The following TNFRSF11A variants were observed in gnomAD, a reference collection of about 807,000 sequenced individuals.
TNFRSF11A encodes the protein tumor necrosis factor receptor superfamily member 11A.
Under a neutral mutation model 55.7 loss-of-function variants are expected in TNFRSF11A, and 32 were observed. That is an observed-to-expected ratio of 0.57 (90% CI 0.43 to 0.77). TNFRSF11A has a LOEUF of 0.77. Among genes scored for constraint, TNFRSF11A ranks in the 30% least tolerant of loss-of-function variants. TNFRSF11A has a pLI of 0.00. For synonymous variants in TNFRSF11A, 311 were observed against 331.0 expected (o/e 0.94, Z 0.65); for missense variants, 753 against 809.8 (o/e 0.93, Z 0.85).
At chr18:62,370,072 G>T (rs1250858005) in intron 9 of TNFRSF11A, among the ~76,000 whole-genome samples, 2 of 152,068 alleles carry the variant, frequency 1.3e-5, no homozygotes, top group Admixed American at 1.3e-4. Context: ...TAACCACAAC[G>T]TATCATATAT....
At chr18:62,384,289 C>T (rs1911502840) in intron 9 of TNFRSF11A, among the ~76,000 whole-genome samples, 1 of 150,186 alleles carries the variant, frequency 6.7e-6, no homozygotes, top group South Asian at 2.1e-4. Context: ...TCCTCTCCTC[C>T]TCCTTTTCCT....
chr18:62,325,461 C>A lies in TNFRSF11A; in HGVS notation c.75+34C>A. ...CGCCCGCGCCTGCCGGGCCGCGCGG[C>A]CCGACGCCTCCTCGGGAGCCCCGGG... is the stretch of plus-strand genomic sequence containing the variant. On this transcript the variant is annotated intron_variant, in intron 1 of 9. Transcript: ENST00000586569. This position sits in a 1 kb window ranked among gnomAD's most constrained non-coding sequence, Gnocchi z 4.7. 1 of 1,226,658 alleles carries A rather than the reference C, an allele frequency of 8.2e-7. No individual in the cohort carries two copies. The allele number at this position is 1,226,658 out of a possible 1,614,324, so 76.0% of individuals were successfully genotyped here.
intron 1 of TNFRSF11A, among the ~76,000 whole-genome samples, chr18:62,339,859 G>T (rs759863187): frequency 3.3e-5 from 5 of 152,158 alleles, no homozygotes; most frequent in Non-Finnish European, 5.9e-5. Context: ...CCTCTTTGCG[G>T]GGAACAGTAT....
intron 4 of TNFRSF11A, 159 bp from the exon 5 acceptor site, chr18:62,358,089 A>G: frequency 1.5e-6 from 1 of 672,714 alleles, no homozygotes; most frequent in Non-Finnish European, 2.6e-6. Context: ...GAGCTGAAGA[A>G]GTTAGACACA....
At chr18:62,335,099 G>A (rs2046210671) in intron 1 of TNFRSF11A, among the ~76,000 whole-genome samples, 1 of 149,572 alleles carries the variant, frequency 6.7e-6, no homozygotes, top group African/African-American at 2.4e-5. Context: ...TCCAGTTGGA[G>A]GTCCCTGTGA....
intron 1 of TNFRSF11A, among the ~76,000 whole-genome samples, chr18:62,333,001 T>C (rs2046177523): frequency 1.3e-5 from 2 of 152,100 alleles, no homozygotes; most frequent in Non-Finnish European, 2.9e-5. Context: ...AGGGGGTGTT[T>C]GATCTGGTCC....
chr18:62,344,720 A>G (rs1166220736), intron 1 of TNFRSF11A, among the ~76,000 whole-genome samples: 1 of 152,228 alleles, frequency 6.6e-6, no homozygotes, highest in Admixed American at 6.5e-5. Flanking sequence ...GGCTCTTGCC[A>G]GCTGCTGGCT....
At position 62,347,573 on chromosome 18, in the gene TNFRSF11A, C is replaced by A. The variant is rs139273261; in HGVS notation, c.76-595C>A. Among the ~76,000 whole-genome samples the A allele has an allele frequency of 1.7e-3, 255 of 152,296 alleles. 2 individuals are homozygous for A. In the East Asian group the frequency reaches 0.022, roughly 13 times the overall value. ...CAGAGCCCAGGAAGCCCCTACAACA[C>A]CTTGCTTTCCCCGCTTTTTAAAATT... is the stretch of plus-strand genomic sequence containing the variant. On this transcript the variant is annotated intron_variant, in intron 1 of 9. Coordinates refer to ENST00000586569, the MANE Select transcript of TNFRSF11A (RefSeq NM_003839.4).
At chr18:62,369,652 G>T (rs1346905672) in intron 9 of TNFRSF11A, among the ~76,000 whole-genome samples, 168 bp downstream of exon 9, 1 of 152,216 alleles carries the variant, frequency 6.6e-6, no homozygotes, top group South Asian at 2.1e-4. Flanking sequence ...TTCAGTCCAC[G>T]TGTTTGGTTA....
At chr18:62,379,185 G>A (rs930631834) in intron 9 of TNFRSF11A, among the ~76,000 whole-genome samples, 1 of 152,328 alleles carries the variant, frequency 6.6e-6, no homozygotes, top group South Asian at 2.1e-4. Flanking sequence ...AGTCAATTCT[G>A]TATGGAGAGT....
At chr18:62,371,402 C>T (rs1336621558) in intron 9 of TNFRSF11A, among the ~76,000 whole-genome samples, 4 of 152,144 alleles carry the variant, frequency 2.6e-5, no homozygotes, top group African/African-American at 7.2e-5. Context: ...TGCCATAAAA[C>T]AAAAAGCCCG....
intron 9 of TNFRSF11A, among the ~76,000 whole-genome samples, chr18:62,369,774 T>G (rs1174925234): frequency 6.6e-6 from 1 of 152,194 alleles, no homozygotes; most frequent in East Asian, 1.9e-4. Flanking sequence ...GGATTAGACC[T>G]CAAGCCCCAG....
chr18:62,361,902 TAAAC>T, intron 7 of TNFRSF11A, 109 bp downstream of exon 7: 1 of 1,025,812 alleles, frequency 9.7e-7, no homozygotes, highest in Non-Finnish European at 1.5e-6. Flanking sequence ...GTGATCTGCT[TAAAC>T]TAAAGCAAAA....
At chr18:62,379,435 C>A (rs1362355179) in intron 9 of TNFRSF11A, among the ~76,000 whole-genome samples, 1 of 152,214 alleles carries the variant, frequency 6.6e-6, no homozygotes, top group Non-Finnish European at 1.5e-5. Context: ...TCATTCAAAA[C>A]ATTAACTATT....
At chr18:62,343,388 A>T (rs2046340657) in intron 1 of TNFRSF11A, among the ~76,000 whole-genome samples, 1 of 152,182 alleles carries the variant, frequency 6.6e-6, no homozygotes, top group South Asian at 2.1e-4. Flanking sequence ...AATGACTTGC[A>T]CTACAATTGG....
intron 1 of TNFRSF11A, among the ~76,000 whole-genome samples, chr18:62,335,301 G>A (rs1427172150): frequency 6.6e-6 from 1 of 152,000 alleles, no homozygotes; most frequent in African/African-American, 2.4e-5. Flanking sequence ...AGTAGAGACA[G>A]GGATTTACCA....
At chr18:62,341,835 GC>G (rs1309093334) in intron 1 of TNFRSF11A, among the ~76,000 whole-genome samples, 18,627 of 68,486 alleles carry the variant, frequency 0.27, 1,653 homozygotes, top group Non-Finnish European at 0.33. Flanking sequence ...GCTGAGAATG[GC>G]TTTTTTTTTT....
chr18:62,336,223 T>C (rs2046230656), intron 1 of TNFRSF11A: 1 of 152,212 alleles, frequency 6.6e-6, no homozygotes, highest in Non-Finnish European at 1.5e-5. Context: ...GAGACCGGCA[T>C]TGACCTTGCC....
chr18:62,366,731 G>A lies in TNFRSF11A; in HGVS notation c.754G>A (p.Glu252Lys). 1 of 1,614,216 alleles carries A rather than the reference G, an allele frequency of 6.2e-7. No individual in the cohort carries two copies. Among genetic ancestry groups the A allele is most frequent in the Non-Finnish European group, 8.5e-7 (1 of 1,180,038 alleles). ...AGCTAATTTGTGGCACTGGATCAAT[G>A]AGGCTTGTGGCCGCCTAAGTGGAGA... ...LTANLWHWIN[E>K]ACGRLSGDKE... The change falls in exon 8 of 10, where the codon GAG (glutamate) becomes AAG (lysine). Residue 252 changes from glutamate (E) to lysine (K), a missense_variant. Coordinates refer to ENST00000586569, the MANE Select transcript of TNFRSF11A (RefSeq NM_003839.4).
Sources: gnomAD v4.1 joint callset for allele counts (sites outside exome capture counted in the v4.1 genomes callset) on GRCh38, gnomAD v4.1.1 for gene constraint, Gnocchi (gnomAD v3.1) non-coding constraint, MANE v1.5 for transcripts, NCBI Gene and HGNC (gene_info 2026-07-23, HGNC 2026-07-21) for gene names.